TTK: variants seen among roughly 807,000 people sequenced by gnomAD.
TTK encodes dual specificity protein kinase TTK.
TTK carries 59 observed loss-of-function variants against 117.3 expected under a neutral mutation model. The observed-to-expected ratio is 0.50, with a 90% CI of 0.41 to 0.62. The LOEUF is 0.62. Ranked by LOEUF, TTK falls within the 20% of genes least tolerant of loss-of-function variation. TTK has a pLI of 0.00. For missense variants in TTK, 921 were observed against 989.4 expected, an observed-to-expected ratio of 0.93 and a Z score of 0.93; for synonymous variants, 302 against 325.0, an observed-to-expected ratio of 0.93 and a Z score of 0.76.
At chr6:80,037,394 A>AC (rs1312400519) in intron 17 of TTK, among the ~76,000 whole-genome samples, 1 of 152,154 alleles carries the variant, frequency 6.6e-6, no homozygotes, top group African/African-American at 2.4e-5. Flanking sequence ...TTTAAAGCAA[A>AC]CCATGTATTT....
At chr6:80,012,654 C>T (rs10485141) in intron 8 of TTK, among the ~76,000 whole-genome samples, 9,852 of 151,940 alleles carry the variant, frequency 0.065, 348 homozygotes, top group South Asian at 0.12. Flanking sequence ...TTTAGAAATA[C>T]GATTGTTTTT....
At chr6:80,015,264 T>C (rs1219475211) in intron 10 of TTK, among the ~76,000 whole-genome samples, 1 of 152,126 alleles carries the variant, frequency 6.6e-6, no homozygotes, top group African/African-American at 2.4e-5. Context: ...CAAGAGACTG[T>C]CTAGTTATGC....
intron 10 of TTK, among the ~76,000 whole-genome samples, chr6:80,015,780 T>C (rs73476022): frequency 0.037 from 5,659 of 152,278 alleles, 340 homozygotes; most frequent in African/African-American, 0.13. Flanking sequence ...AGTAATACTT[T>C]ATTAATATAA....
intron 14 of TTK, among the ~76,000 whole-genome samples, chr6:80,034,045 A>C (rs896778212): frequency 6.6e-6 from 1 of 152,170 alleles, no homozygotes; most frequent in Non-Finnish European, 1.5e-5. Context: ...TCAAGGGCCA[A>C]GTGATAAAGC....
intron 10 of TTK, among the ~76,000 whole-genome samples, chr6:80,021,365 AT>A (rs1363861534): frequency 5.9e-5 from 9 of 152,256 alleles, no homozygotes; most frequent in African/African-American, 1.9e-4. Flanking sequence ...CCCACAGCCA[AT>A]TGCTCCACTT....
At chr6:80,010,569 C>T (rs1897870) in intron 4 of TTK, among the ~76,000 whole-genome samples, 44,055 of 150,846 alleles carry the variant, frequency 0.29, 7,843 homozygotes, top group East Asian at 0.63. Context: ...TGCAAAATTA[C>T]GTCAGCTACA....
chr6:80,022,528 G>A (rs1054272351), intron 11 of TTK, 56 bp downstream of exon 11: 1 of 1,544,006 alleles, frequency 6.5e-7, no homozygotes, highest in Admixed American at 1.8e-5. Flanking sequence ...CATTTCCGAA[G>A]GTTGATGATC....
chr6:80,033,094 G>A (rs1057151415), intron 14 of TTK, among the ~76,000 whole-genome samples: 1 of 152,072 alleles, frequency 6.6e-6, no homozygotes, highest in Non-Finnish European at 1.5e-5. Context: ...TTGAGGCTTT[G>A]TATCCCTTCA....
chr6:80,039,905 T>A, intron 19 of TTK, 33 bp downstream of exon 19: 2 of 1,398,830 alleles, frequency 1.4e-6, no homozygotes, highest in Non-Finnish European at 1.9e-6. Flanking sequence ...AATTATTTAC[T>A]TAAAAGAAAT....
At chr6:80,040,814 G>A in intron 21 of TTK, 111 bp downstream of exon 21, 2 of 851,922 alleles carry the variant, frequency 2.3e-6, no homozygotes, top group Non-Finnish European at 3.6e-6. Flanking sequence ...GATCAGTTAT[G>A]AAACATGTTT....
rs1399563329 is a variant in TTK, at chr6:80,015,574, C to CA, written c.1108+995dup. 3.9e-5 allele frequency among the ~76,000 whole-genome samples: 6 copies of CA among 152,084 alleles called. 1 individual carries two copies. The Middle Eastern group carries it at 0.017, about 431-fold the overall frequency. ...AGTCCCAGGCAAACGGGGACACACA[C>CA]AAAAAAACATTATTTTGGTTGGGAA... On this transcript the variant is annotated intron_variant, in intron 10 of 21. Transcript: ENST00000369798.
At chr6:80,017,119 T>C (rs1438432214) in intron 10 of TTK, among the ~76,000 whole-genome samples, 1 of 152,226 alleles carries the variant, frequency 6.6e-6, no homozygotes, top group African/African-American at 2.4e-5. Context: ...ATGTGTAAGA[T>C]CAAGTGTCAG....
intron 2 of TTK, among the ~76,000 whole-genome samples, chr6:80,006,618 T>G (rs1767001793): frequency 6.6e-6 from 1 of 152,166 alleles, no homozygotes; most frequent in Admixed American, 6.5e-5. Context: ...TACATTGTAA[T>G]GCATGCTGGG....
Position 80,011,805 on chromosome 6 carries a change from A to G in TTK, c.801+4A>G, listed in dbSNP as rs775575055. The G allele has an allele frequency of 1.2e-6, 2 of 1,612,668 alleles. No homozygotes were observed. Among genetic ancestry groups the G allele is most frequent in the Admixed American group, 3.3e-5 (2 of 59,862 alleles). Reference sequence around the variant, plus strand: ...ACAAACTAACAAAACTAAACAGGTAAGTTACTTTCAATCTGCTTGATTAAG... The same window carrying G: ...ACAAACTAACAAAACTAAACAGGTAGGTTACTTTCAATCTGCTTGATTAAG... On this transcript the variant is annotated splice_donor_region_variant and intron_variant, in intron 7 of 21. Transcript: ENST00000369798.
rs75507435 is a variant in TTK at position 80,042,354 on chromosome 6, G to A, written c.*152G>A. On this transcript the variant is annotated 3_prime_UTR_variant, in exon 22 of 22. Coordinates refer to ENST00000369798, the MANE Select transcript of TTK (RefSeq NM_003318.5). Reference sequence around the variant, plus strand: ...AGTAGATTATCTTTAAAAGAAAACTGTAAAAATAGCAACCACTTATGGCAC... The same window carrying A: ...AGTAGATTATCTTTAAAAGAAAACTATAAAAATAGCAACCACTTATGGCAC... 9,895 of 518,452 alleles carry A rather than the reference G, an allele frequency of 0.019. 149 individuals carry two copies. Among genetic ancestry groups the A allele is most frequent in the Non-Finnish European group, 0.023 (6,847 of 294,570 alleles). The allele number at this position is 518,452 out of a possible 1,614,324, so 32.1% of individuals were successfully genotyped here.
chr6:80,011,188 ATTT>A (rs201264231), intron 5 of TTK, among the ~76,000 whole-genome samples: 1 of 145,218 alleles, frequency 6.9e-6, no homozygotes, highest in African/African-American at 2.5e-5. Context: ...AAGCAAGAGA[ATTT>A]TTTTTTTTTT....
chr6:80,007,629 A>T (rs240223), intron 2 of TTK, among the ~76,000 whole-genome samples, 180 bp from the exon 3 acceptor site: 8,649 of 152,204 alleles, frequency 0.057, 801 homozygotes, highest in African/African-American at 0.2. Context: ...TAAAAGATAA[A>T]TACACGATAA....
intron 17 of TTK, among the ~76,000 whole-genome samples, chr6:80,037,112 G>C (rs1427352958): frequency 1.3e-5 from 2 of 151,990 alleles, no homozygotes; most frequent in Non-Finnish European, 2.9e-5. Context: ...ACTAAAAGAC[G>C]TTGTTCTATA....
chr6:80,010,903 T>A lies in TTK; in HGVS notation c.559T>A (p.Leu187Ile). ...AATGCTGGAAATTGCCCTGCGGAATTTAAACCTCCAAAAAAAGCAGCTGCT... is the reference window on the plus strand; with the variant it reads ...AATGCTGGAAATTGCCCTGCGGAATATAAACCTCCAAAAAAAGCAGCTGCT... ...LEMLEIALRN[L>I]NLQKKQLLSE... The change falls in exon 5 of 22, where the codon TTA becomes ATA. Residue 187 changes from leucine to isoleucine, a missense_variant. Leu to Ile is a conservative substitution (Grantham distance 5, BLOSUM62 2). Coordinates refer to ENST00000369798, the MANE Select transcript of TTK (RefSeq NM_003318.5). The A allele has an allele frequency of 6.2e-7, 1 of 1,612,470 alleles. No individual in the cohort carries two copies. Among genetic ancestry groups the A allele is most frequent in the Non-Finnish European group, 8.5e-7 (1 of 1,178,784 alleles).
Sources: allele counts gnomAD v4.1 joint callset (sites outside exome capture counted in the v4.1 genomes callset), GRCh38; gene constraint gnomAD v4.1.1; transcripts MANE v1.5; gene names NCBI Gene and HGNC (gene_info 2026-07-23, HGNC 2026-07-21).